Variants in WDPCP observed in about 807,000 individuals in gnomAD.
The protein encoded by WDPCP is WD repeat containing planar cell polarity effector.
WDPCP carries 71 observed loss-of-function variants against 93.1 expected under a neutral mutation model. That is an observed-to-expected ratio of 0.76 (90% CI 0.63 to 0.93). WDPCP has a LOEUF of 0.93. WDPCP is among the 40% of genes least tolerant of loss of function. WDPCP has a pLI of 0.00. For missense variants in WDPCP, 844 were observed against 887.4 expected, an observed-to-expected ratio of 0.95 and a Z score of 0.62; for synonymous variants, 315 against 315.0, an observed-to-expected ratio of 1.00 and a Z score of 0.00.
intron 1 of WDPCP, among the ~76,000 whole-genome samples, chr2:63,528,335 T>G (rs1401543582): frequency 6.6e-6 from 1 of 152,316 alleles, no homozygotes; most frequent in African/African-American, 2.4e-5. Context: ...TCTGCTAGGG[T>G]TTTTATGGTT....
chr2:63,430,190 G>C (rs190602652), intron 9 of WDPCP, among the ~76,000 whole-genome samples: 14 of 152,218 alleles, frequency 9.2e-5, no homozygotes, highest in Non-Finnish European at 1.8e-4. Flanking sequence ...GACATAAAGA[G>C]GGAAACAATA....
chr2:63,364,218 A>T (rs1690714088), intron 12 of WDPCP, among the ~76,000 whole-genome samples: 1 of 152,196 alleles, frequency 6.6e-6, no homozygotes, highest in African/African-American at 2.4e-5. Flanking sequence ...TTTTTCACGA[A>T]GGACTCACAG....
intron 14 of WDPCP, among the ~76,000 whole-genome samples, chr2:63,214,180 T>A (rs1677100988): frequency 6.6e-6 from 1 of 152,120 alleles, no homozygotes; most frequent in African/African-American, 2.4e-5. Context: ...AAAAGAGAAT[T>A]TTAGACCAAT....
intron 10 of WDPCP, among the ~76,000 whole-genome samples, chr2:63,391,240 C>T (rs572171118): frequency 7.2e-5 from 11 of 152,218 alleles, no homozygotes; most frequent in South Asian, 2.1e-4. Context: ...ATTAAACATA[C>T]GCAAATCAAT....
At chr2:63,762,437 G>C (rs923702966) in intron 2 of WDPCP, among the ~76,000 whole-genome samples, 1 of 152,130 alleles carries the variant, frequency 6.6e-6, no homozygotes, top group African/African-American at 2.4e-5. Flanking sequence ...CCAATAAACT[G>C]GGCATTTTTG....
chr2:63,436,755 A>T (rs1697160655), intron 8 of WDPCP, among the ~76,000 whole-genome samples: 2 of 152,140 alleles, frequency 1.3e-5, no homozygotes, highest in African/African-American at 2.4e-5. Flanking sequence ...TACTCATCCT[A>T]GCAGAGAATA....
chr2:63,378,960 A>T (rs184311561), intron 11 of WDPCP, among the ~76,000 whole-genome samples: 1 of 152,176 alleles, frequency 6.6e-6, no homozygotes, highest in Admixed American at 6.6e-5. Context: ...AAACAGGCAT[A>T]TTGGAGTAGA....
chr2:63,388,040 T>C (rs1692890403), intron 10 of WDPCP, among the ~76,000 whole-genome samples: 1 of 152,094 alleles, frequency 6.6e-6, no homozygotes, highest in Non-Finnish European at 1.5e-5. Flanking sequence ...TTAAAATGAC[T>C]TTACTGCCCA....
chr2:63,487,757 AATCAAGAAAC>A (rs1700653283), intron 2 of WDPCP, among the ~76,000 whole-genome samples: 1 of 152,126 alleles, frequency 6.6e-6, no homozygotes, highest in Non-Finnish European at 1.5e-5. Flanking sequence ...AAAGAACTGA[AATCAAGAAAC>A]ACCAAGTTTT....
At chr2:63,589,158 G>C (rs1245108934), upstream of WDPCP, 4 of 1,611,920 alleles carry the variant, frequency 2.5e-6, no homozygotes, top group Admixed American at 1.7e-5. Flanking sequence ...TGTCCTTCGC[G>C]CCCTTTGGCA....
intron 1 of WDPCP, among the ~76,000 whole-genome samples, chr2:63,534,603 C>G (rs1482329970): frequency 6.6e-6 from 1 of 152,122 alleles, no homozygotes; most frequent in Non-Finnish European, 1.5e-5. Flanking sequence ...GAAACAAAGA[C>G]AAAAACCACA....
intron 2 of WDPCP, among the ~76,000 whole-genome samples, chr2:63,675,488 G>T (rs1710394769): frequency 6.6e-6 from 1 of 152,112 alleles, no homozygotes; most frequent in African/African-American, 2.4e-5. Context: ...TCCTCTAACT[G>T]CTGTTCAAGC....
At chr2:63,727,540 G>A (rs1414416715) in intron 2 of WDPCP, among the ~76,000 whole-genome samples, 1 of 152,116 alleles carries the variant, frequency 6.6e-6, no homozygotes, top group African/African-American at 2.4e-5. Context: ...GCCAGGCTTT[G>A]GTATCAGCAT....
At chr2:63,565,282 T>C (rs1706955179) in intron 1 of WDPCP, among the ~76,000 whole-genome samples, 1 of 152,220 alleles carries the variant, frequency 6.6e-6, no homozygotes, top group Non-Finnish European at 1.5e-5. Context: ...TTTATAAAAC[T>C]TATGAATTTG....
At chr2:63,418,346 C>T (rs548588919) in intron 9 of WDPCP, among the ~76,000 whole-genome samples, 7 of 152,054 alleles carry the variant, frequency 4.6e-5, no homozygotes, top group Non-Finnish European at 8.8e-5. Flanking sequence ...GGGAGAAATG[C>T]TAAATGACAA....
rs1709026172 is a variant in WDPCP, at chr2:63,588,353, G to A, written c.-82C>T. On this transcript the variant is annotated 5_prime_UTR_variant, in exon 1 of 18. Coordinates refer to ENST00000272321, the MANE Select transcript of WDPCP (RefSeq NM_015910.7). ...GAGCGACACGCTCGCTTGGTCTCTT[G>A]GGTCTCCAGGACGCCGCCGCCGCCG... 6.7e-7 allele frequency: 1 copy of A among 1,500,964 alleles called. No homozygotes were observed. The highest frequency in any genetic ancestry group is 9.1e-7 in the Non-Finnish European group (1 of 1,101,454). The allele number at this position is 1,500,964 out of a possible 1,614,324, so 93.0% of individuals were successfully genotyped here.
chr2:63,174,970 A>G (rs948782696), intron 14 of WDPCP, 138 bp from the exon 15 acceptor site: 13 of 879,034 alleles, frequency 1.5e-5, no homozygotes, highest in Non-Finnish European at 2.4e-5. Context: ...TTGTTGTCCT[A>G]GTTCCCTATG....
At chr2:63,253,926 C>A (rs866481282) in intron 14 of WDPCP, among the ~76,000 whole-genome samples, 1 of 152,116 alleles carries the variant, frequency 6.6e-6, no homozygotes, top group South Asian at 2.1e-4. Flanking sequence ...AAGACACATG[C>A]ACTTGTATGT....
chr2:63,640,484 ACT>A (rs1022915988), intron 3 of WDPCP, among the ~76,000 whole-genome samples: 1 of 152,122 alleles, frequency 6.6e-6, no homozygotes, highest in African/African-American at 2.4e-5. Flanking sequence ...AAAGAGTGAG[ACT>A]CTCTGAAAAA....
Sources: gnomAD v4.1 joint callset for allele counts (sites outside exome capture counted in the v4.1 genomes callset) on GRCh38, gnomAD v4.1.1 for gene constraint, MANE v1.5 for transcripts, NCBI Gene and HGNC (gene_info 2026-07-23, HGNC 2026-07-21) for gene names.